The following ANKFN1 variants were observed in gnomAD, a reference collection of about 807,000 sequenced individuals.
ANKFN1 encodes ankyrin repeat and fibronectin type-III domain-containing protein 1.
Under a neutral mutation model 108.7 loss-of-function variants are expected in ANKFN1, and 74 were observed. The ratio of observed to expected loss-of-function variants is 0.68; its 90% confidence interval spans 0.56 to 0.83. The LOEUF (loss-of-function observed/expected upper bound fraction) is 0.83. ANKFN1 is among the 40% of genes least tolerant of loss of function. The pLI is 0.00. For synonymous variants in ANKFN1, 547 were observed against 516.2 expected (o/e 1.06, Z -0.81); for missense variants, 1,505 against 1,382.3 (o/e 1.09, Z -1.41).
rs887611668 is a variant in ANKFN1, at chr17:56,512,959, G to A, written c.*1690G>A. Among the ~76,000 whole-genome samples the A allele has an allele frequency of 1.3e-5, 2 of 152,136 alleles. No homozygotes were observed. Among genetic ancestry groups the A allele is most frequent in the African/African-American group, 4.8e-5 (2 of 41,410 alleles). ...TACAGCTCCTTTTTCATGACTGGGA[G>A]GATTTTAAAATGCAATTTTCTTCTG... On this transcript the variant is annotated 3_prime_UTR_variant, in exon 21 of 21. Coordinates refer to ENST00000682825, the MANE Select transcript of ANKFN1 (RefSeq NM_001370326.1).
intron 1 of ANKFN1, among the ~76,000 whole-genome samples, chr17:56,156,797 T>A (rs927852682): frequency 6.6e-6 from 1 of 152,212 alleles, no homozygotes; most frequent in Non-Finnish European, 1.5e-5. Context: ...CCTCTGTTTT[T>A]ATAAATAATG....
At chr17:56,484,162 A>AC (rs901481568) in intron 18 of ANKFN1, among the ~76,000 whole-genome samples, 40 of 152,184 alleles carry the variant, frequency 2.6e-4, no homozygotes, top group African/African-American at 8.4e-4. Context: ...CGGGAAGAGA[A>AC]CAAGTGGTCC....
chr17:56,426,559 G>C (rs1271786044), intron 8 of ANKFN1, among the ~76,000 whole-genome samples: 1 of 152,126 alleles, frequency 6.6e-6, no homozygotes, highest in Admixed American at 6.5e-5. Context: ...TGAAAATTTA[G>C]AGATATTACA....
At chr17:56,213,402 A>G (rs1915182431) in intron 2 of ANKFN1, among the ~76,000 whole-genome samples, 1 of 152,168 alleles carries the variant, frequency 6.6e-6, no homozygotes, top group Non-Finnish European at 1.5e-5. Context: ...CTGGTTTTTC[A>G]CAGTCTAGTA....
intron 8 of ANKFN1, among the ~76,000 whole-genome samples, chr17:56,437,973 G>GGGGT (rs1555653063): frequency 5.2e-4 from 74 of 142,276 alleles, no homozygotes; most frequent in African/African-American, 1.8e-3. Context: ...ATCTACTGTA[G>GGGGT]GTGTGTGTGT....
intron 4 of ANKFN1, among the ~76,000 whole-genome samples, chr17:56,083,205 G>A (rs1337908982): frequency 6.6e-6 from 1 of 151,074 alleles, no homozygotes; most frequent in East Asian, 1.9e-4. Flanking sequence ...CAACTGTGCC[G>A]AGAAGAATGC....
chr17:56,144,803 C>T, intron 4 of ANKFN1, among the ~76,000 whole-genome samples: 1 of 152,150 alleles, frequency 6.6e-6, no homozygotes, highest in East Asian at 1.9e-4. Context: ...ATGTCTGAGG[C>T]ACAAATCCCT....
intron 20 of ANKFN1, among the ~76,000 whole-genome samples, chr17:56,506,983 G>A (rs1218818114): frequency 6.6e-6 from 1 of 152,168 alleles, no homozygotes; most frequent in Non-Finnish European, 1.5e-5. Context: ...ATCATGGCTG[G>A]CTCACAGTAA....
intron 4 of ANKFN1, among the ~76,000 whole-genome samples, chr17:56,096,186 C>T (rs181401510): frequency 3.3e-5 from 5 of 152,288 alleles, no homozygotes; most frequent in East Asian, 1.9e-4. Flanking sequence ...CTATGAGCTA[C>T]GTTTCCACAG....
intron 11 of ANKFN1, among the ~76,000 whole-genome samples, chr17:56,450,092 T>C (rs1046777147): frequency 3.9e-5 from 6 of 152,128 alleles, no homozygotes; most frequent in Non-Finnish European, 8.8e-5. Flanking sequence ...GATCTCTAAC[T>C]CCATTGTGCG....
At chr17:56,061,724 G>T (rs750955682) in intron 4 of ANKFN1, among the ~76,000 whole-genome samples, 1 of 152,144 alleles carries the variant, frequency 6.6e-6, no homozygotes, top group Non-Finnish European at 1.5e-5. Context: ...CTGGATTTAT[G>T]ATTTTTGGAG....
rs1448237777 is a variant in ANKFN1 at position 56,516,677 on chromosome 17, C to T, written c.*5408C>T. On this transcript the variant is annotated 3_prime_UTR_variant, in exon 21 of 21. Transcript: ENST00000682825. ...AACAGCACTGGTAAAATGTATGCCT[C>T]TTCAACCTACCAATTTATAAGAGGT... is the stretch of plus-strand genomic sequence containing the variant. Among the ~76,000 whole-genome samples, 2 of 152,152 alleles carry T rather than the reference C, an allele frequency of 1.3e-5. 1 individual carries two copies. The highest frequency in any genetic ancestry group is 1.3e-4 in the Admixed American group (2 of 15,280).
intron 4 of ANKFN1, among the ~76,000 whole-genome samples, chr17:56,338,634 CTT>C: frequency 6.6e-6 from 1 of 151,754 alleles, no homozygotes; most frequent in Admixed American, 6.6e-5. Context: ...TTATTTAACA[CTT>C]GAGGTTTCTT....
At chr17:56,269,860 G>A (rs1474467845) in intron 3 of ANKFN1, among the ~76,000 whole-genome samples, 2 of 152,132 alleles carry the variant, frequency 1.3e-5, no homozygotes, top group African/African-American at 4.8e-5. Context: ...TCAGGTCTTT[G>A]CAAAACTCAG....
intron 3 of ANKFN1, among the ~76,000 whole-genome samples, chr17:56,250,907 A>G (rs2043218634): frequency 6.6e-6 from 1 of 152,228 alleles, no homozygotes; most frequent in Non-Finnish European, 1.5e-5. Context: ...TCCAGAAACA[A>G]GTTGAAACTG....
chr17:56,452,728 A>G (rs1182011941), intron 11 of ANKFN1, among the ~76,000 whole-genome samples: 1 of 152,078 alleles, frequency 6.6e-6, no homozygotes, highest in African/African-American at 2.4e-5. Flanking sequence ...CCTTTTCCCA[A>G]CTGGTAGCAG....
At chr17:56,334,789 C>T (rs1431208559) in intron 4 of ANKFN1, among the ~76,000 whole-genome samples, 1 of 152,094 alleles carries the variant, frequency 6.6e-6, no homozygotes, top group African/African-American at 2.4e-5. Flanking sequence ...TTAAAACCAC[C>T]ATAAAGAATG....
intron 4 of ANKFN1, among the ~76,000 whole-genome samples, chr17:56,087,669 G>A (rs758834228): frequency 6.6e-5 from 10 of 151,334 alleles, no homozygotes; most frequent in African/African-American, 2.2e-4. Context: ...TGTGATGGAC[G>A]TTCTGCTAGT....
At chr17:56,276,914 G>A (rs1209952572) in intron 3 of ANKFN1, among the ~76,000 whole-genome samples, 1 of 151,846 alleles carries the variant, frequency 6.6e-6, no homozygotes, top group Non-Finnish European at 1.5e-5. Flanking sequence ...TTTGCTGAGG[G>A]AGCCCCAGCT....
Sources: gnomAD v4.1 joint callset for allele counts (sites outside exome capture counted in the v4.1 genomes callset) on GRCh38, gnomAD v4.1.1 for gene constraint, MANE v1.5 for transcripts, NCBI Gene and HGNC (gene_info 2026-07-23, HGNC 2026-07-21) for gene names.